Variants in OPHN1 observed in about 807,000 individuals in gnomAD.
OPHN1 encodes the protein oligophrenin-1.
OPHN1 carries 11 observed loss-of-function variants against 60.7 expected under a neutral mutation model. The observed-to-expected ratio is 0.18, with a 90% CI of 0.11 to 0.30. The LOEUF is 0.30. Ranked by LOEUF, OPHN1 falls within the 10% of genes least tolerant of loss-of-function variation. The pLI, the probability that OPHN1 is intolerant of heterozygous loss-of-function variation, is 1.00. For missense variants in OPHN1, 449 were observed against 611.0 expected (o/e 0.73, Z 2.80); for synonymous variants, 226 against 222.6 (o/e 1.02, Z -0.14).
intron 3 of OPHN1, among the ~76,000 whole-genome samples, chrX:68,283,662 A>C (rs759920207): frequency 2.9e-4 from 32 of 112,178 alleles, no homozygotes; most frequent in Admixed American, 2.8e-3. Context: ...TCAGAAATTC[A>C]ATGTCTTTAT....
chrX:68,388,775 T>G, intron 2 of OPHN1, among the ~76,000 whole-genome samples: 1 of 111,237 alleles, frequency 9.0e-6, no homozygotes, highest in Non-Finnish European at 1.9e-5. Context: ...TGGAGACACA[T>G]GAGTTCTTTA....
intron 20 of OPHN1, among the ~76,000 whole-genome samples, chrX:68,069,632 A>T (rs2076925828): frequency 9.0e-6 from 1 of 110,504 alleles, no homozygotes; most frequent in Admixed American, 9.8e-5. Context: ...AATGGGAGAG[A>T]GAGATAATAA....
intron 5 of OPHN1, among the ~76,000 whole-genome samples, chrX:68,241,366 A>G (rs2056671500): frequency 8.9e-6 from 1 of 112,067 alleles, no homozygotes; most frequent in Admixed American, 9.5e-5. Context: ...TTGCTATACC[A>G]TTATTAATAA....
At chrX:68,088,434 C>A (rs1393697093) in intron 19 of OPHN1, among the ~76,000 whole-genome samples, 1 of 111,670 alleles carries the variant, frequency 9.0e-6, no homozygotes, top group African/African-American at 3.3e-5. Context: ...ATGGCAGATT[C>A]CAAGTGCAGT....
intron 6 of OPHN1, among the ~76,000 whole-genome samples, chrX:68,217,260 C>T (rs2077616431): frequency 8.9e-6 from 1 of 112,353 alleles, no homozygotes; most frequent in African/African-American, 3.2e-5. Flanking sequence ...ATATCCCGCA[C>T]CTGGCTCGGA....
Position 68,257,045 on chromosome X carries a change from AAAAAAAAAAGAC to A in OPHN1, c.384+17681_384+17692del, listed in dbSNP as rs1383506127. Among the ~76,000 whole-genome samples the A allele has an allele frequency of 2.2e-4, 24 of 111,214 alleles. No individual in the cohort carries two copies. The South Asian group carries it at 4.5e-3, about 21-fold the overall frequency. ...AGACTCCATCTCAAAAAAAATTAAA[AAAAAAAAAAGAC>A]AAAAAAAAAGACATAATGCTATTGA... On this transcript the variant is annotated intron_variant, in intron 5 of 24. Coordinates refer to ENST00000355520, the MANE Select transcript of OPHN1 (RefSeq NM_002547.3).
chrX:68,269,011 C>T (rs1422735879), intron 5 of OPHN1, among the ~76,000 whole-genome samples: 2 of 111,242 alleles, frequency 1.8e-5, no homozygotes, highest in African/African-American at 6.6e-5. Context: ...AATAAAATAC[C>T]TAGGAATCCA....
intron 2 of OPHN1, among the ~76,000 whole-genome samples, chrX:68,400,323 A>C (rs2078707197): frequency 8.9e-6 from 1 of 111,732 alleles, no homozygotes. Context: ...AAGAACCTGG[A>C]CAACTTGCAG....
At chrX:68,074,680 T>G (rs937143234) in intron 19 of OPHN1, among the ~76,000 whole-genome samples, 1 of 111,315 alleles carries the variant, frequency 9.0e-6, no homozygotes, top group African/African-American at 3.3e-5. Context: ...CCTATCTTCC[T>G]TCCATTTTAA....
chrX:68,194,965 CA>C (rs1159967989), intron 12 of OPHN1, among the ~76,000 whole-genome samples: 8 of 67,063 alleles, frequency 1.2e-4, no homozygotes, highest in Admixed American at 2.1e-4. Flanking sequence ...GAGACTCTGT[CA>C]AAAAAAAAAG....
At chrX:68,076,703 C>T (rs909643179) in intron 19 of OPHN1, among the ~76,000 whole-genome samples, 3 of 111,792 alleles carry the variant, frequency 2.7e-5, no homozygotes, top group Non-Finnish European at 3.8e-5. Context: ...AACATATAGT[C>T]GTACAGACTG....
At chrX:68,127,879 A>C (rs2077178146) in intron 15 of OPHN1, among the ~76,000 whole-genome samples, 1 of 111,746 alleles carries the variant, frequency 8.9e-6, no homozygotes, top group African/African-American at 3.3e-5. Context: ...ACTTTTTAAA[A>C]AACTCTTCAC....
At chrX:68,065,091 T>C (rs1418432801) in intron 20 of OPHN1, among the ~76,000 whole-genome samples, 1 of 110,747 alleles carries the variant, frequency 9.0e-6, no homozygotes, top group Admixed American at 9.6e-5. Flanking sequence ...TGTATACATA[T>C]GTAACAAACC....
At chrX:68,402,345 G>A (rs1383107893) in intron 2 of OPHN1, among the ~76,000 whole-genome samples, 1 of 104,413 alleles carries the variant, frequency 9.6e-6, no homozygotes, top group African/African-American at 3.4e-5. Context: ...AAAAGAAGAA[G>A]AAGGAGGAGA....
chrX:68,343,392 G>A (rs1324215730), intron 2 of OPHN1, among the ~76,000 whole-genome samples: 2 of 109,699 alleles, frequency 1.8e-5, no homozygotes, highest in Admixed American at 9.9e-5. Context: ...AGATGAGCCC[G>A]GCCAACATGG....
chrX:68,125,628 C>T (rs2077166668), intron 15 of OPHN1, among the ~76,000 whole-genome samples: 1 of 109,034 alleles, frequency 9.2e-6, no homozygotes, highest in Non-Finnish European at 1.9e-5. Flanking sequence ...AAGATTGAAC[C>T]AGGAATAAAT....
chrX:68,190,499 T>C lies in OPHN1; in HGVS notation c.1276+2420A>G, dbSNP rs72627681. Reference sequence around the variant, plus strand: ...TATTTATATCTAGAACTTCCTGGTCTATATTTTAGATATTCCTATGAGAGT... The same window carrying C: ...TATTTATATCTAGAACTTCCTGGTCCATATTTTAGATATTCCTATGAGAGT... On this transcript the variant is annotated intron_variant, in intron 15 of 24. Transcript: ENST00000355520. Among the ~76,000 whole-genome samples the C allele has an allele frequency of 1.1e-4, 12 of 112,279 alleles. No individual in the cohort carries two copies. In the East Asian group the frequency reaches 2.5e-3, roughly 24 times the overall value.
At chrX:68,052,961 C>T (rs774459503) in intron 22 of OPHN1, among the ~76,000 whole-genome samples, 1 of 112,105 alleles carries the variant, frequency 8.9e-6, no homozygotes, top group South Asian at 3.7e-4. Context: ...TCCAATTTTA[C>T]AATTATGGAA....
rs17217221 is a variant in OPHN1 at position 68,073,491 on chromosome X, C to T, written c.1687-192G>A. 0.12 allele frequency among the ~76,000 whole-genome samples: 13,842 copies of T among 111,548 alleles called. 891 individuals are homozygous for T. Among genetic ancestry groups the T allele is most frequent in the Middle Eastern group, 0.24 (51 of 215 alleles). ...AAATGTTTAGGTATCTCCTACTATG[C>T]TCAAGGCACAGAACCTGGCACTTCT... On this transcript the variant is annotated intron_variant, in intron 19 of 24. Transcript: ENST00000355520.
Sources: gnomAD v4.1 joint callset for allele counts (sites outside exome capture counted in the v4.1 genomes callset) on GRCh38, gnomAD v4.1.1 for gene constraint, MANE v1.5 for transcripts, NCBI Gene and HGNC (gene_info 2026-07-23, HGNC 2026-07-21) for gene names.